Variants in PRKCB observed in about 807,000 individuals in gnomAD.
PRKCB encodes the protein protein kinase C beta, also known as protein kinase C beta type.
Under a neutral mutation model 81.5 loss-of-function variants are expected in PRKCB, and 13 were observed. The ratio of observed to expected loss-of-function variants is 0.16; its 90% CI spans 0.10 to 0.25. The LOEUF (loss-of-function observed/expected upper bound fraction) is 0.25. PRKCB is among the 10% of genes least tolerant of loss of function. The pLI, the probability that PRKCB is intolerant of heterozygous loss-of-function variation, is 1.00. For synonymous variants in PRKCB, 335 were observed against 321.4 expected, an observed-to-expected ratio of 1.04 and a Z score of -0.45; for missense variants, 509 against 875.7, an observed-to-expected ratio of 0.58 and a Z score of 5.29.
At chr16:23,933,545 A>G (rs570839195) in intron 2 of PRKCB, among the ~76,000 whole-genome samples, 1 of 152,266 alleles carries the variant, frequency 6.6e-6, no homozygotes, top group South Asian at 2.1e-4. Flanking sequence ...TTTAAATCAG[A>G]AAATTAACAT....
chr16:23,871,601 G>A (rs1018790790), intron 2 of PRKCB, among the ~76,000 whole-genome samples: 2 of 151,022 alleles, frequency 1.3e-5, no homozygotes, highest in African/African-American at 2.4e-5. Context: ...TTTTTGAGAC[G>A]GAGTCTCACT....
chr16:24,035,744 G>A lies in PRKCB; in HGVS notation c.529+197G>A, dbSNP rs535582394. ...TGCAGCAGGGGGATCTTTAGAAACT[G>A]TACACCCTCAAAGCTTCGTCCATCA... is the stretch of plus-strand genomic sequence containing the variant. On this transcript the variant is annotated intron_variant, in intron 5 of 16. Transcript: ENST00000643927. Among the ~76,000 whole-genome samples, 3 of 152,292 alleles carry A rather than the reference G, an allele frequency of 2.0e-5. No homozygotes were observed. The East Asian group carries it at 5.8e-4, about 29-fold the overall frequency.
At chr16:24,163,198 C>T (rs374208907) in intron 10 of PRKCB, among the ~76,000 whole-genome samples, 1 of 152,156 alleles carries the variant, frequency 6.6e-6, no homozygotes. Context: ...GTTGTATCTA[C>T]AGGGAGGGAA....
At chr16:24,047,166 A>C (rs954778092) in intron 5 of PRKCB, among the ~76,000 whole-genome samples, 3 of 149,304 alleles carry the variant, frequency 2.0e-5, no homozygotes, top group Non-Finnish European at 4.5e-5. Context: ...GTGAAACCTC[A>C]TCTCTACTAA....
Position 23,988,570 on chromosome 16 carries a change from G to C in PRKCB, c.268G>C (p.Asp90His). The change falls in exon 3 of 17, where the codon GAC (aspartate) becomes CAC (histidine). Residue 90 changes from aspartate (D) to histidine (H), a missense_variant. This residue lies in a region of PRKCB where 184 missense variants were observed against 362.9 expected (regional missense o/e 0.51). Coordinates refer to ENST00000643927, the MANE Select transcript of PRKCB (RefSeq NM_002738.7). The part of the protein sequence containing the change: ...EFVTFSCPGA[D>H]KGPASDDPRS... ...TGTCACATTCTCCTGCCCTGGCGCT[G>C]ACAAGGGTCCAGCCTCCGATGTAAG... 1 of 1,614,082 alleles carries C rather than the reference G, an allele frequency of 6.2e-7. No individual in the cohort carries two copies. Among genetic ancestry groups the C allele is most frequent in the South Asian group, 1.1e-5 (1 of 91,068 alleles).
intron 3 of PRKCB, among the ~76,000 whole-genome samples, chr16:24,020,994 T>TTC (rs1965357391): frequency 7.5e-6 from 1 of 133,080 alleles, no homozygotes; most frequent in Admixed American, 7.3e-5. Flanking sequence ...CTTTCTTTCT[T>TTC]TCTTTCTTTC....
At position 23,902,161 on chromosome 16, in the gene PRKCB, G is replaced by A. The variant is rs139466224; in HGVS notation, c.205+64755G>A. Among the ~76,000 whole-genome samples, 4 of 152,096 alleles carry A rather than the reference G, an allele frequency of 2.6e-5. No individual in the cohort carries two copies. In the East Asian group the frequency reaches 7.7e-4, roughly 29 times the overall value. ...CTGGAGGGTATGTAGGGTGGGGTGG[G>A]GCTCTTATCTGTATGGACAATGCCA... On this transcript the variant is annotated intron_variant, in intron 2 of 16. Transcript: ENST00000643927.
At chr16:24,117,519 A>G (rs1966748954) in intron 8 of PRKCB, among the ~76,000 whole-genome samples, 1 of 152,206 alleles carries the variant, frequency 6.6e-6, no homozygotes. Context: ...AATCCTTACA[A>G]CAACCTAGAA....
chr16:23,981,681 C>T (rs1186491820), intron 2 of PRKCB, among the ~76,000 whole-genome samples: 1 of 112,472 alleles, frequency 8.9e-6, no homozygotes, highest in Non-Finnish European at 1.8e-5. Context: ...TCTTCCCCTT[C>T]CCCTTCCCTT....
intron 3 of PRKCB, among the ~76,000 whole-genome samples, chr16:24,009,257 T>C (rs1965168854): frequency 6.6e-6 from 1 of 152,118 alleles, no homozygotes; most frequent in South Asian, 2.1e-4. Context: ...TTTTTAATGT[T>C]TTGAGGAACC....
At chr16:23,843,442 C>CT (rs982658225) in intron 2 of PRKCB, among the ~76,000 whole-genome samples, 4 of 151,816 alleles carry the variant, frequency 2.6e-5, no homozygotes, top group Non-Finnish European at 5.9e-5. Context: ...TGGCTTTTTT[C>CT]TTTTTTTTAC....
intron 2 of PRKCB, among the ~76,000 whole-genome samples, chr16:23,957,405 T>C (rs1324495821): frequency 6.6e-6 from 1 of 152,190 alleles, no homozygotes; most frequent in African/African-American, 2.4e-5. Context: ...GAAGGAAATG[T>C]TGTTTTCTGC....
Position 24,103,820 on chromosome 16 carries a change from T to C in PRKCB, c.822-9153T>C, listed in dbSNP as rs115776581. Among the ~76,000 whole-genome samples the C allele has an allele frequency of 5.7e-3, 862 of 152,282 alleles. 8 individuals are homozygous for C. Among genetic ancestry groups the C allele is most frequent in the African/African-American group, 0.02 (815 of 41,552 alleles). On this transcript the variant is annotated intron_variant, in intron 7 of 16. Coordinates refer to ENST00000643927, the MANE Select transcript of PRKCB (RefSeq NM_002738.7). ...TATTATAAGGTCCAGATCTTTTTTT[T>C]CTGAGGCGGTGTTTCACTCTTGTTG...
In PRKCB at chr16:24,219,494, G is replaced by A. The variant is rs1322255719; in HGVS notation, c.*4678G>A. On this transcript the variant is annotated 3_prime_UTR_variant, in exon 17 of 17. Coordinates refer to ENST00000643927, the MANE Select transcript of PRKCB (RefSeq NM_002738.7). ...GCCTTCTTGGGGGCAGAGTAGATGG[G>A]CAGCAGTTCACCTTTTCAGAGAAAG... The A allele has an allele frequency of 1.0e-6, 1 of 987,606 alleles. No individual in the cohort carries two copies. The highest frequency in any genetic ancestry group is 1.2e-6 in the Non-Finnish European group (1 of 831,502). 61.2% of individuals were successfully genotyped at this position (987,606 alleles called of 1,614,324 possible).
At chr16:23,926,252 C>CAG (rs1212029654) in intron 2 of PRKCB, among the ~76,000 whole-genome samples, 21 of 152,156 alleles carry the variant, frequency 1.4e-4, no homozygotes, top group Non-Finnish European at 2.4e-4. Context: ...GCCTGGGTGA[C>CAG]AGAGTGAGAC....
intron 10 of PRKCB, among the ~76,000 whole-genome samples, chr16:24,158,594 A>G (rs1269764701): frequency 4.6e-5 from 7 of 150,990 alleles, no homozygotes; most frequent in African/African-American, 1.2e-4. Context: ...GTATATGTAT[A>G]TGTGTGTGTA....
At chr16:24,033,090 G>A (rs1179169403) in intron 4 of PRKCB, among the ~76,000 whole-genome samples, 1 of 152,164 alleles carries the variant, frequency 6.6e-6, no homozygotes, top group African/African-American at 2.4e-5. Flanking sequence ...TGTGGGGCAG[G>A]GGAGCAGACA....
At chr16:24,187,782 G>A (rs1967728043) in intron 15 of PRKCB, among the ~76,000 whole-genome samples, 2 of 152,162 alleles carry the variant, frequency 1.3e-5, no homozygotes, top group Non-Finnish European at 2.9e-5. Context: ...AGGCTCAAGG[G>A]ATCCTCCTGC....
intron 10 of PRKCB, among the ~76,000 whole-genome samples, chr16:24,160,359 G>A (rs1967235408): frequency 1.3e-5 from 2 of 152,132 alleles, no homozygotes; most frequent in Admixed American, 6.5e-5. Context: ...GAGCAGGAAG[G>A]TGACACCTCT....
Sources: gnomAD v4.1 joint callset for allele counts (sites outside exome capture counted in the v4.1 genomes callset) on GRCh38, gnomAD v4.1.1 for gene constraint, gnomAD v4.1.1 regional missense constraint, MANE v1.5 for transcripts, NCBI Gene and HGNC (gene_info 2026-07-23, HGNC 2026-07-21) for gene names.